ABCA12: variants seen among roughly 807,000 people sequenced by gnomAD.
ABCA12 encodes glucosylceramide transporter ABCA12.
A neutral mutation model predicts 293.5 loss-of-function variants in ABCA12; 156 were observed. The ratio of observed to expected loss-of-function variants is 0.53; its 90% CI spans 0.47 to 0.61. The LOEUF (loss-of-function observed/expected upper bound fraction) is 0.61. Ranked by LOEUF, ABCA12 falls within the 20% of genes least tolerant of loss-of-function variation. The pLI, the probability that ABCA12 is intolerant of heterozygous loss-of-function variation, is 0.00. For missense variants in ABCA12, 2,797 were observed against 3,090.2 expected (o/e 0.91, Z 2.25); for synonymous variants, 1,063 against 1,108.0 (o/e 0.96, Z 0.81).
At chr2:214,978,540 A>AAAGAGAAGCCAGATCAC in intron 32 of ABCA12, 74 bp from the exon 33 acceptor site, 2 of 1,544,912 alleles carry the variant, frequency 1.3e-6, no homozygotes, top group Non-Finnish European at 1.8e-6. Context: ...CTTACCTTTG[A>AAAGAGAAGCCAGATCAC]TTTTGAACTT....
At chr2:215,046,446 T>G (rs571859720) in intron 6 of ABCA12, among the ~76,000 whole-genome samples, 2 of 148,358 alleles carry the variant, frequency 1.3e-5, no homozygotes, top group Non-Finnish European at 1.5e-5. Flanking sequence ...TATAGATTAG[T>G]AGAGATACGG....
intron 30 of ABCA12, among the ~76,000 whole-genome samples, chr2:214,981,347 T>C (rs1699648007): frequency 6.6e-6 from 1 of 152,192 alleles, no homozygotes; most frequent in Admixed American, 6.5e-5. Flanking sequence ...AATTTAAGAC[T>C]TTTTGAATAT....
intron 2 of ABCA12, among the ~76,000 whole-genome samples, chr2:215,079,401 C>T (rs907924366): frequency 4.6e-5 from 7 of 152,128 alleles, no homozygotes; most frequent in African/African-American, 1.7e-4. Flanking sequence ...AGCCCGTGTT[C>T]GGTATCAACT....
chr2:215,017,432 C>A (rs1304916195), intron 14 of ABCA12, among the ~76,000 whole-genome samples: 1 of 152,194 alleles, frequency 6.6e-6, no homozygotes, highest in African/African-American at 2.4e-5. Flanking sequence ...ACCCTTAGTT[C>A]CCTTGACCAC....
rs1698099496 is a variant in ABCA12, at chr2:214,932,759, A to G, written c.7681-18T>C. The G allele has an allele frequency of 6.3e-7, 1 of 1,588,288 alleles. No individual in the cohort carries two copies. The highest frequency in any genetic ancestry group is 1.7e-5 in the Admixed American group (1 of 59,840). On this transcript the variant is annotated intron_variant, in intron 52 of 52. Coordinates refer to ENST00000272895, the MANE Select transcript of ABCA12 (RefSeq NM_173076.3). ...ATGAAAACCTGATTTTTCAGGGAAA[A>G]TAAAGCCATTAATGCCTGGTAAGCC...
At chr2:215,096,574 C>T (rs1283146985) in intron 2 of ABCA12, among the ~76,000 whole-genome samples, 5 of 152,182 alleles carry the variant, frequency 3.3e-5, no homozygotes, top group African/African-American at 9.7e-5. Flanking sequence ...CTTTGTCCCC[C>T]AAATCCAGTC....
intron 41 of ABCA12, among the ~76,000 whole-genome samples, chr2:214,957,957 C>T (rs1410605831): frequency 6.6e-6 from 1 of 152,086 alleles, no homozygotes; most frequent in African/African-American, 2.4e-5. Flanking sequence ...TTAGAATCAC[C>T]TGGGGGATCT....
In ABCA12 at chr2:214,934,065, G is replaced by T. The variant is rs750005163; in HGVS notation, c.7680+13C>A. 4.3e-6 allele frequency: 7 copies of T among 1,611,596 alleles called. No homozygotes were observed. In the East Asian group the frequency reaches 1.3e-4, roughly 31 times the overall value. ...TGTGACGTTGTGCACATGGATCGTG[G>T]TATATATCTTACCTCTTCCAGAGTG... On this transcript the variant is annotated intron_variant, in intron 52 of 52. Coordinates refer to ENST00000272895, the MANE Select transcript of ABCA12 (RefSeq NM_173076.3).
intron 14 of ABCA12, among the ~76,000 whole-genome samples, chr2:215,016,613 A>AAAAAAAAC (rs1700512044): frequency 7.1e-6 from 1 of 140,438 alleles, no homozygotes; most frequent in Admixed American, 7.1e-5. Flanking sequence ...AAAAAAAAAA[A>AAAAAAAAC]AGACTTTGCT....
intron 11 of ABCA12, among the ~76,000 whole-genome samples, chr2:215,020,445 A>G (rs1028608443): frequency 6.6e-6 from 1 of 152,296 alleles, no homozygotes; most frequent in South Asian, 2.1e-4. Flanking sequence ...GTCTAATACT[A>G]TATGATTCCA....
intron 5 of ABCA12, chr2:215,050,725 T>C (rs1701303540): frequency 1.2e-6 from 1 of 866,710 alleles, no homozygotes; most frequent in African/African-American, 1.8e-5. Flanking sequence ...TTATCTAGGA[T>C]GTACTATAAG....
Position 214,997,725 on chromosome 2 carries a change from A to C in ABCA12, c.3264T>G (p.Leu1088=), listed in dbSNP as rs111994288. ...GAAGCCGGAGGTCTTTCTCATAGAC[A>C]AGCTTTTTTACAAAGGCAGCTATAA... The part of the protein sequence containing the change: ...VVFIAAFVKK[L]VYEKDLRLHE... The change falls in exon 23 of 53, where the codon CTT becomes CTG. Residue 1088 remains leucine, a synonymous_variant. Transcript: ENST00000272895. 4.8e-5 allele frequency: 77 copies of C among 1,613,220 alleles called. 3 individuals carry two copies. In the African/African-American group the frequency reaches 5.3e-4, roughly 11 times the overall value.
chr2:215,015,098 T>G (rs1311094516), intron 15 of ABCA12, among the ~76,000 whole-genome samples: 3 of 152,158 alleles, frequency 2.0e-5, no homozygotes, highest in Non-Finnish European at 4.4e-5. Flanking sequence ...AGCCTATTTT[T>G]AATTAAGAAA....
At chr2:215,031,731 A>G (rs2106030519) in intron 9 of ABCA12, 90 bp downstream of exon 9, 6 of 1,490,736 alleles carry the variant, frequency 4.0e-6, no homozygotes, top group Non-Finnish European at 5.6e-6. Flanking sequence ...CCATGCTTAT[A>G]TACACTGATA....
intron 2 of ABCA12, among the ~76,000 whole-genome samples, chr2:215,107,228 T>C (rs183876702): frequency 6.6e-6 from 1 of 152,170 alleles, no homozygotes; most frequent in African/African-American, 2.4e-5. Context: ...CATGGGTATG[T>C]GTGTATTAAA....
intron 2 of ABCA12, among the ~76,000 whole-genome samples, chr2:215,096,773 T>C (rs963227222): frequency 5.3e-5 from 8 of 152,200 alleles, no homozygotes; most frequent in Non-Finnish European, 1.0e-4. Context: ...ATCTGATTAA[T>C]ATGCACAAAA....
At chr2:215,023,660 C>T (rs1700678827) in intron 11 of ABCA12, 1 of 152,310 alleles carries the variant, frequency 6.6e-6, no homozygotes, top group Non-Finnish European at 1.5e-5. Flanking sequence ...TCTACTTTAA[C>T]ACCCTCACTT....
intron 2 of ABCA12, among the ~76,000 whole-genome samples, chr2:215,103,267 CTT>C (rs72000528): frequency 4.1e-5 from 5 of 122,404 alleles, no homozygotes; most frequent in Non-Finnish European, 4.9e-5. Context: ...AAATTTCTTT[CTT>C]TTTTTTTTTT....
At chr2:215,090,123 A>G (rs1702112910) in intron 2 of ABCA12, among the ~76,000 whole-genome samples, 1 of 152,038 alleles carries the variant, frequency 6.6e-6, no homozygotes, top group African/African-American at 2.4e-5. Context: ...CCTGCCTGCA[A>G]GAGAACAACC....
Sources: gnomAD v4.1 joint callset for allele counts (sites outside exome capture counted in the v4.1 genomes callset) on GRCh38, gnomAD v4.1.1 for gene constraint, MANE v1.5 for transcripts, NCBI Gene and HGNC (gene_info 2026-07-23, HGNC 2026-07-21) for gene names.